PARD3: variants seen among roughly 807,000 people sequenced by gnomAD.
PARD3 encodes the protein partitioning defective 3 homolog.
A neutral mutation model predicts 155.4 loss-of-function variants in PARD3; 75 were observed. That is an observed-to-expected ratio of 0.48 (90% CI 0.40 to 0.58). PARD3 has a LOEUF of 0.58. PARD3 is among the 20% of genes least tolerant of loss of function. PARD3 has a pLI of 0.00. For missense variants in PARD3, 1,642 were observed against 1,721.7 expected, an observed-to-expected ratio of 0.95 and a Z score of 0.82; for synonymous variants, 576 against 610.5, an observed-to-expected ratio of 0.94 and a Z score of 0.83.
At chr10:34,290,218 T>C (rs1042520246) in intron 20 of PARD3, among the ~76,000 whole-genome samples, 3 of 152,228 alleles carry the variant, frequency 2.0e-5, no homozygotes, top group South Asian at 2.1e-4. Context: ...TTTTTCCTAA[T>C]ACCATACTTT....
At chr10:34,227,085 C>A (rs1564498906) in intron 22 of PARD3, among the ~76,000 whole-genome samples, 1 of 152,162 alleles carries the variant, frequency 6.6e-6, no homozygotes. Context: ...ACACAACCTA[C>A]AGAATGGGAA....
At chr10:34,617,853 A>G (rs554913804) in intron 2 of PARD3, among the ~76,000 whole-genome samples, 1 of 152,294 alleles carries the variant, frequency 6.6e-6, no homozygotes, top group South Asian at 2.1e-4. Context: ...AGAGATCAAA[A>G]TTATACATTT....
chr10:34,601,268 G>T (rs79991238), intron 2 of PARD3, among the ~76,000 whole-genome samples: 1 of 123,168 alleles, frequency 8.1e-6, no homozygotes, highest in South Asian at 2.6e-4. Flanking sequence ...TCTCTACAAA[G>T]AAAAAAAAAA....
At chr10:34,564,105 G>A (rs950386933) in intron 2 of PARD3, among the ~76,000 whole-genome samples, 2 of 152,066 alleles carry the variant, frequency 1.3e-5, no homozygotes, top group African/African-American at 4.8e-5. Flanking sequence ...TAGCACCTTC[G>A]AATACTGACC....
intron 23 of PARD3, 59 bp downstream of exon 23, chr10:34,131,404 G>A: frequency 6.2e-7 from 1 of 1,601,868 alleles, no homozygotes; most frequent in Non-Finnish European, 8.5e-7. Context: ...ATAGCTTAGT[G>A]GCCTTTGCTG....
At chr10:34,550,530 G>A (rs1305440720) in intron 2 of PARD3, among the ~76,000 whole-genome samples, 1 of 151,986 alleles carries the variant, frequency 6.6e-6, no homozygotes, top group Non-Finnish European at 1.5e-5. Context: ...CACCTTTAAT[G>A]TATTGGAACC....
chr10:34,621,001 G>A (rs1289814544), intron 2 of PARD3, among the ~76,000 whole-genome samples: 2 of 152,266 alleles, frequency 1.3e-5, no homozygotes, highest in Admixed American at 6.5e-5. Flanking sequence ...TACAAAAATG[G>A]TACACATTTA....
chr10:34,777,968 C>G (rs947255085), intron 1 of PARD3, among the ~76,000 whole-genome samples: 2 of 152,180 alleles, frequency 1.3e-5, no homozygotes, highest in African/African-American at 4.8e-5. Context: ...AAGTTACCAC[C>G]ACATCCACGG....
rs1392153985 is a variant in PARD3, at chr10:34,755,212, G to C, written c.121-58793C>G. 2.0e-5 allele frequency among the ~76,000 whole-genome samples: 3 copies of C among 151,428 alleles called. 1 individual carries two copies. In the South Asian group the frequency reaches 6.3e-4, roughly 32 times the overall value. On this transcript the variant is annotated intron_variant, in intron 1 of 24. Transcript: ENST00000374788. ...AGGTCAGGAGCTCGAGACCAGTCTG[G>C]CCAACATGGTGAAACCCCGTCTCTA...
chr10:34,155,668 A>ATGTATGTG (rs138039811), intron 22 of PARD3, among the ~76,000 whole-genome samples: 1 of 140,346 alleles, frequency 7.1e-6, no homozygotes, highest in Non-Finnish European at 1.5e-5. Context: ...CCCTCTAAAA[A>ATGTATGTG]TGTGTGTGTG....
At chr10:34,284,899 A>G (rs61840242) in intron 20 of PARD3, among the ~76,000 whole-genome samples, 16,380 of 152,232 alleles carry the variant, frequency 0.11, 930 homozygotes, top group African/African-American at 0.13. Context: ...TCAAAAACAA[A>G]CACACGGAAC....
intron 2 of PARD3, among the ~76,000 whole-genome samples, chr10:34,695,337 T>C (rs757622147): frequency 4.6e-5 from 7 of 151,814 alleles, no homozygotes; most frequent in African/African-American, 9.7e-5. Context: ...TAGCCAGGCG[T>C]GGTGGTGCAC....
chr10:34,368,839 TAAAAAAAA>T (rs71033310), intron 12 of PARD3, among the ~76,000 whole-genome samples: 1 of 108,618 alleles, frequency 9.2e-6, no homozygotes, highest in African/African-American at 3.5e-5. Context: ...ATGAGCAATG[TAAAAAAAA>T]AAAAAAAAAA....
At chr10:34,605,183 T>TAA (rs1182230062) in intron 2 of PARD3, among the ~76,000 whole-genome samples, 2 of 20,724 alleles carry the variant, frequency 9.7e-5, no homozygotes, top group Non-Finnish European at 2.6e-4. Context: ...AAATGAAATT[T>TAA]TTTTTTTTTT....
chr10:34,444,679 A>C (rs1374248389), intron 5 of PARD3, among the ~76,000 whole-genome samples: 1 of 152,206 alleles, frequency 6.6e-6, no homozygotes, highest in East Asian at 1.9e-4. Context: ...CTAATAAGAC[A>C]TACAACCTAT....
chr10:34,579,908 GAA>G (rs574829315), intron 2 of PARD3, among the ~76,000 whole-genome samples: 1 of 130,362 alleles, frequency 7.7e-6, no homozygotes, highest in Admixed American at 7.9e-5. Context: ...TTTCACTACA[GAA>G]AAAAAAAAAA....
At chr10:34,276,333 T>C (rs1955877423) in intron 21 of PARD3, among the ~76,000 whole-genome samples, 1 of 152,164 alleles carries the variant, frequency 6.6e-6, no homozygotes, top group African/African-American at 2.4e-5. Context: ...TGTAATATAC[T>C]AAATAAAGTA....
intron 2 of PARD3, among the ~76,000 whole-genome samples, chr10:34,559,794 GAATAGAAGCGACTGTAACAACA>G (rs2085314766): frequency 6.7e-6 from 1 of 149,930 alleles, no homozygotes; most frequent in Non-Finnish European, 1.5e-5. Context: ...TACTTGATGA[GAATAGAAGCGACTGTAACAACA>G]AAAACGCACT....
At chr10:34,679,647 T>G (rs1436035561) in intron 2 of PARD3, among the ~76,000 whole-genome samples, 1 of 152,150 alleles carries the variant, frequency 6.6e-6, no homozygotes, top group African/African-American at 2.4e-5. Context: ...GAACGCCACC[T>G]CCCATGTCAC....
Sources: gnomAD v4.1 joint callset for allele counts (sites outside exome capture counted in the v4.1 genomes callset) on GRCh38, gnomAD v4.1.1 for gene constraint, MANE v1.5 for transcripts, NCBI Gene and HGNC (gene_info 2026-07-23, HGNC 2026-07-21) for gene names.